TNFRSF19: variants seen among roughly 807,000 people sequenced by gnomAD.
The protein encoded by TNFRSF19 is tumor necrosis factor receptor superfamily member 19.
In TNFRSF19, 27 loss-of-function variants were observed where a neutral mutation model predicts 46.4. That is an observed-to-expected ratio of 0.58 (90% CI 0.43 to 0.80). The LOEUF is 0.80. TNFRSF19 is among the 30% of genes least tolerant of loss of function. The probability of loss-of-function intolerance (pLI) is 0.00; values close to 1 mark genes in which losing one functional copy is unlikely to be tolerated. For missense variants in TNFRSF19, 511 were observed against 530.8 expected (o/e 0.96, Z 0.37); for synonymous variants, 204 against 205.0 (o/e 1.00, Z 0.04).
At chr13:23,615,544 A>G (rs971188136) in intron 3 of TNFRSF19, among the ~76,000 whole-genome samples, 4 of 152,220 alleles carry the variant, frequency 2.6e-5, no homozygotes, top group African/African-American at 7.2e-5. Flanking sequence ...GAGCATGCAC[A>G]TGACTGGCTT....
chr13:23,580,078 C>T (rs957612534), intron 1 of TNFRSF19, among the ~76,000 whole-genome samples: 1 of 152,128 alleles, frequency 6.6e-6, no homozygotes, highest in African/African-American at 2.4e-5. Context: ...ATGAGTAGAG[C>T]CTGTGATAGA....
At chr13:23,646,134 C>T (rs551119273) in intron 5 of TNFRSF19, among the ~76,000 whole-genome samples, 2 of 152,244 alleles carry the variant, frequency 1.3e-5, no homozygotes, top group South Asian at 2.1e-4. Flanking sequence ...TGGGCCAGTG[C>T]GGCACCCCCC....
chr13:23,642,937 AT>A (rs1206610300), intron 5 of TNFRSF19, among the ~76,000 whole-genome samples: 4 of 152,238 alleles, frequency 2.6e-5, no homozygotes, highest in African/African-American at 9.6e-5. Context: ...TACCACATCG[AT>A]TCTGCAAATG....
chr13:23,596,803 T>C (rs1211844628), intron 3 of TNFRSF19, among the ~76,000 whole-genome samples: 1 of 152,218 alleles, frequency 6.6e-6, no homozygotes, highest in African/African-American at 2.4e-5. Flanking sequence ...ATGTACATTC[T>C]TCTCAGCACC....
intron 1 of TNFRSF19, among the ~76,000 whole-genome samples, chr13:23,579,935 G>T (rs989366213): frequency 4.6e-5 from 7 of 152,228 alleles, no homozygotes; most frequent in African/African-American, 1.4e-4. Context: ...GCCAGCGCGC[G>T]GCTGCAGGGG....
intron 1 of TNFRSF19, among the ~76,000 whole-genome samples, chr13:23,571,413 C>A (rs887662799): frequency 1.3e-5 from 2 of 152,152 alleles, no homozygotes; most frequent in South Asian, 2.1e-4. Context: ...TGATTAAAGA[C>A]TTTTATGTGT....
At chr13:23,626,579 A>C (rs1404438768) in intron 4 of TNFRSF19, 128 bp from the exon 5 acceptor site, 2 of 776,664 alleles carry the variant, frequency 2.6e-6, no homozygotes, top group African/African-American at 3.5e-5. Flanking sequence ...TCTACCTAAG[A>C]TACTATTATT....
In TNFRSF19 at chr13:23,659,637, G is replaced by C. The variant is rs758737408; in HGVS notation, c.610+423G>C. Among the ~76,000 whole-genome samples, 1 of 152,074 alleles carries C rather than the reference G, an allele frequency of 6.6e-6. No homozygotes were observed. Among genetic ancestry groups the C allele is most frequent in the East Asian group, 1.9e-4 (1 of 5,180 alleles). ...TTCTCCTGCCTCAGCCTCCGGAGTA[G>C]CTGGGACTACAGGCGCCCGCCACCA... is the stretch of plus-strand genomic sequence containing the variant. On this transcript the variant is annotated intron_variant, in intron 6 of 9. Coordinates refer to ENST00000248484, the MANE Select transcript of TNFRSF19 (RefSeq NM_148957.4). The surrounding 1 kb of genome is among the most constrained non-coding windows in gnomAD (Gnocchi z 4.9).
At chr13:23,608,988 C>T (rs770449590) in intron 3 of TNFRSF19, among the ~76,000 whole-genome samples, 10 of 152,200 alleles carry the variant, frequency 6.6e-5, no homozygotes, top group Admixed American at 2.0e-4. Flanking sequence ...TTGCCCTGGG[C>T]GTTCTGAGCA....
intron 1 of TNFRSF19, among the ~76,000 whole-genome samples, chr13:23,583,186 G>C (rs541064115): frequency 6.6e-6 from 1 of 152,114 alleles, no homozygotes; most frequent in African/African-American, 2.4e-5. Flanking sequence ...ATGGGAGTTC[G>C]AATTCTCCAA....
intron 7 of TNFRSF19, among the ~76,000 whole-genome samples, chr13:23,661,098 A>G (rs1407628875): frequency 3.9e-5 from 6 of 152,198 alleles, no homozygotes; most frequent in South Asian, 2.1e-4. Flanking sequence ...GGTTTGTTAT[A>G]TAGGTAAACT....
chr13:23,597,819 C>T (rs558083341), intron 3 of TNFRSF19, among the ~76,000 whole-genome samples: 139 of 152,254 alleles, frequency 9.1e-4, no homozygotes, highest in African/African-American at 3.3e-3. Context: ...GGCCAATATC[C>T]CTGATGAACA....
At chr13:23,581,550 C>G (rs1278208200) in intron 1 of TNFRSF19, among the ~76,000 whole-genome samples, 2 of 151,744 alleles carry the variant, frequency 1.3e-5, no homozygotes, top group East Asian at 3.9e-4. Context: ...TTTTTTTTAA[C>G]TTCAGATGAT....
chr13:23,671,215 A>G lies in TNFRSF19; in HGVS notation c.1245+2118A>G, dbSNP rs142048700. On this transcript the variant is annotated intron_variant, in intron 9 of 9. Coordinates refer to ENST00000248484, the MANE Select transcript of TNFRSF19 (RefSeq NM_148957.4). ...ATGCAAGGTAGTTCTCATGATTTAT[A>G]TACACTTTCAACTCAAATCATTATG... Among the ~76,000 whole-genome samples the G allele has an allele frequency of 1.5e-3, 221 of 152,314 alleles. 2 individuals carry two copies. Among genetic ancestry groups the G allele is most frequent in the African/African-American group, 5.0e-3 (207 of 41,562 alleles).
At chr13:23,652,185 T>C (rs1326364484) in intron 5 of TNFRSF19, among the ~76,000 whole-genome samples, 1 of 152,216 alleles carries the variant, frequency 6.6e-6, no homozygotes, top group East Asian at 1.9e-4. Context: ...TTAACTGCTC[T>C]CTAGGCACTC....
At chr13:23,665,593 G>A (rs1469828929) in intron 7 of TNFRSF19, among the ~76,000 whole-genome samples, 1 of 151,432 alleles carries the variant, frequency 6.6e-6, no homozygotes, top group Admixed American at 6.6e-5. Context: ...CGTTACCCAT[G>A]TTCACATTTG....
At chr13:23,575,022 G>T (rs146566616) in intron 1 of TNFRSF19, among the ~76,000 whole-genome samples, 1 of 152,204 alleles carries the variant, frequency 6.6e-6, no homozygotes, top group Admixed American at 6.5e-5. Context: ...TTTGAGAGGA[G>T]TTCTGATAAA....
intron 9 of TNFRSF19, chr13:23,669,643 T>C (rs1394705486): frequency 2.0e-6 from 2 of 985,122 alleles, no homozygotes; most frequent in Non-Finnish European, 2.4e-6. Flanking sequence ...TGAGACCAGG[T>C]CATAAGACCC....
At position 23,673,978 on chromosome 13, in the gene TNFRSF19, C is replaced by G. The variant is rs1951792954; in HGVS notation, c.*598C>G. On this transcript the variant is annotated 3_prime_UTR_variant, in exon 10 of 10. Transcript: ENST00000248484. ...TCTTGGGTTTATTAGATGAAGTTTA[C>G]TGAATCAGAGGAATCAGACAGAGGA... 6.6e-6 allele frequency: 1 copy of G among 152,148 alleles called. No individual in the cohort carries two copies. Among genetic ancestry groups the G allele is most frequent in the Non-Finnish European group, 1.5e-5 (1 of 68,036 alleles). 9.4% of individuals were successfully genotyped at this position (152,148 alleles called of 1,614,324 possible).
Sources: gnomAD v4.1 joint callset for allele counts (sites outside exome capture counted in the v4.1 genomes callset) on GRCh38, gnomAD v4.1.1 for gene constraint, Gnocchi (gnomAD v3.1) non-coding constraint, MANE v1.5 for transcripts, NCBI Gene and HGNC (gene_info 2026-07-23, HGNC 2026-07-21) for gene names.